MIS18A: variants seen among roughly 807,000 people sequenced by gnomAD.
MIS18A encodes protein Mis18-alpha.
In MIS18A, 14 loss-of-function variants were observed where a neutral mutation model predicts 25.0. The ratio of observed to expected loss-of-function variants is 0.56; its 90% CI spans 0.37 to 0.88. MIS18A has a LOEUF of 0.88. Ranked by LOEUF, MIS18A falls within the 40% of genes least tolerant of loss-of-function variation. The probability of loss-of-function intolerance (pLI) is 0.00; values close to 1 mark genes in which losing one functional copy is unlikely to be tolerated. For synonymous variants in MIS18A, 134 were observed against 118.6 expected, an observed-to-expected ratio of 1.13 and a Z score of -0.84; for missense variants, 292 against 290.8, an observed-to-expected ratio of 1.00 and a Z score of -0.03.
chr21:32,261,019 T>C, the MIS18A span: 1 of 152,052 alleles, frequency 6.6e-6, no homozygotes, highest in Non-Finnish European at 1.5e-5. Context: ...AAATAAACCA[T>C]ACACACTCAA....
chr21:32,278,658 C>A (rs543744279), intron 1 of MIS18A, 23 bp downstream of exon 1: 1 of 1,495,304 alleles, frequency 6.7e-7, no homozygotes, highest in Non-Finnish European at 8.9e-7. Flanking sequence ...CACGCCCCCC[C>A]TGCCCGGCTC....
chr21:32,233,927 CA>C, the MIS18A span, among the ~76,000 whole-genome samples: 3,461 of 152,246 alleles, frequency 0.023, 140 homozygotes, highest in African/African-American at 0.077. Context: ...GTCCAGTCAT[CA>C]AAAACAAGGA....
the MIS18A span, among the ~76,000 whole-genome samples, chr21:32,180,537 A>G: frequency 6.6e-6 from 1 of 152,168 alleles, no homozygotes; most frequent in Non-Finnish European, 1.5e-5. Flanking sequence ...CACAGCTGCA[A>G]TACACGTTCT....
chr21:32,236,767 G>A, the MIS18A span, among the ~76,000 whole-genome samples: 1 of 152,114 alleles, frequency 6.6e-6, no homozygotes, highest in East Asian at 1.9e-4. Context: ...TAAATACACA[G>A]CCACATCTAC....
chr21:32,258,026 G>C, the MIS18A span, among the ~76,000 whole-genome samples: 4 of 152,078 alleles, frequency 2.6e-5, no homozygotes, highest in Admixed American at 1.3e-4. Context: ...ACAGATAGAG[G>C]GTTCCTGCCA....
rs1184186125 is a variant in MIS18A, at chr21:32,274,197, CTTTTTTTTTTTTTTTTT to C, written c.401+616_401+632del. Among the ~76,000 whole-genome samples the C allele has an allele frequency of 5.1e-4, 37 of 72,782 alleles. 1 individual carries two copies. The South Asian group carries it at 0.02, about 39-fold the overall frequency. 47.7% of individuals were successfully genotyped at this position (72,782 alleles called of 152,430 possible). A position where few individuals can be genotyped will look rare whatever the true frequency, so the allele number is the denominator to read the frequency against. ...TATAATATAGGTATTTCCTTTTCTT[CTTTTTTTTTTTTTTTTT>C]TTTTTTTTTTGAGACGGAGTCTTTC... On this transcript the variant is annotated intron_variant, in intron 2 of 4. Coordinates refer to ENST00000290130, the MANE Select transcript of MIS18A (RefSeq NM_018944.3).
At chr21:32,155,043 A>G in the MIS18A span, among the ~76,000 whole-genome samples, 1 of 152,200 alleles carries the variant, frequency 6.6e-6, no homozygotes, top group African/African-American at 2.4e-5. Flanking sequence ...AAAATTAAAA[A>G]TATATATGGA....
the MIS18A span, among the ~76,000 whole-genome samples, chr21:32,244,355 G>A: frequency 6.6e-6 from 1 of 152,050 alleles, no homozygotes; most frequent in Non-Finnish European, 1.5e-5. Context: ...ACATGAGGGT[G>A]TATATGTGTC....
chr21:32,214,484 T>C, the MIS18A span, among the ~76,000 whole-genome samples: 2 of 152,218 alleles, frequency 1.3e-5, no homozygotes, highest in Admixed American at 1.3e-4. Context: ...ACTAGTGATC[T>C]TGTTATTATT....
chr21:32,234,644 A>G, the MIS18A span, among the ~76,000 whole-genome samples: 1 of 151,884 alleles, frequency 6.6e-6, no homozygotes, highest in Non-Finnish European at 1.5e-5. Flanking sequence ...GTGTGTTCTC[A>G]CTCGGTTCAT....
the MIS18A span, among the ~76,000 whole-genome samples, chr21:32,196,617 G>A: frequency 1.9e-3 from 286 of 152,196 alleles, 1 homozygote; most frequent in South Asian, 1.9e-3. Flanking sequence ...ACTGTGCCCA[G>A]CTAATTTTTG....
intron 2 of MIS18A, among the ~76,000 whole-genome samples, chr21:32,273,107 C>CT (rs1050958392): frequency 5.4e-5 from 8 of 148,796 alleles, no homozygotes; most frequent in African/African-American, 2.0e-4. Context: ...AATGGAGAAA[C>CT]TTTTTTTCTT....
the MIS18A span, among the ~76,000 whole-genome samples, chr21:32,184,461 C>T: frequency 6.6e-6 from 1 of 152,168 alleles, no homozygotes; most frequent in African/African-American, 2.4e-5. Context: ...AGGAAATAGG[C>T]CATTTGAAAT....
At chr21:32,221,731 A>C in the MIS18A span, among the ~76,000 whole-genome samples, 1 of 125,464 alleles carries the variant, frequency 8.0e-6, no homozygotes, top group Non-Finnish European at 1.8e-5. Flanking sequence ...TACAAAAAAA[A>C]AAAAAAAAAA....
the MIS18A span, among the ~76,000 whole-genome samples, chr21:32,173,784 T>A: frequency 6.6e-6 from 1 of 152,028 alleles, no homozygotes; most frequent in Non-Finnish European, 1.5e-5. Flanking sequence ...GAAGAATGAC[T>A]GCTAACGGAT....
At chr21:32,192,883 A>C in the MIS18A span, among the ~76,000 whole-genome samples, 1 of 152,178 alleles carries the variant, frequency 6.6e-6, no homozygotes, top group Non-Finnish European at 1.5e-5. Flanking sequence ...AGGAGCTATA[A>C]GATGTCACTA....
At chr21:32,248,746 C>T in the MIS18A span, among the ~76,000 whole-genome samples, 1 of 152,194 alleles carries the variant, frequency 6.6e-6, no homozygotes, top group Non-Finnish European at 1.5e-5. Flanking sequence ...CCATCTGTTC[C>T]ATGTTTATTT....
the MIS18A span, among the ~76,000 whole-genome samples, chr21:32,239,230 C>T: frequency 3.9e-5 from 6 of 152,158 alleles, no homozygotes; most frequent in East Asian, 3.8e-4. Context: ...ACTTGCTTTC[C>T]GTCCGACCTT....
chr21:32,174,114 G>A, the MIS18A span, among the ~76,000 whole-genome samples: 13 of 151,696 alleles, frequency 8.6e-5, no homozygotes, highest in Admixed American at 5.3e-4. Flanking sequence ...ACAGGTGCCC[G>A]CCACCATGCC....
Sources: gnomAD v4.1 joint callset for allele counts (sites outside exome capture counted in the v4.1 genomes callset) on GRCh38, gnomAD v4.1.1 for gene constraint, MANE v1.5 for transcripts, NCBI Gene and HGNC (gene_info 2026-07-23, HGNC 2026-07-21) for gene names.